The following PBX1 variants were observed in gnomAD, a reference collection of about 807,000 sequenced individuals.
PBX1 encodes the protein pre-B-cell leukemia transcription factor 1.
Under a neutral mutation model 53.4 loss-of-function variants are expected in PBX1, and 6 were observed. The ratio of observed to expected loss-of-function variants is 0.11; its 90% CI spans 0.06 to 0.22. The LOEUF is 0.22. PBX1 is among the 10% of genes least tolerant of loss of function. PBX1 has a pLI of 1.00. For missense variants in PBX1, 251 were observed against 551.4 expected (o/e 0.46, Z 5.46); for synonymous variants, 204 against 212.3 (o/e 0.96, Z 0.34).
chr1:164,663,095 TGTCA>T (rs1338526452), intron 2 of PBX1, among the ~76,000 whole-genome samples: 3 of 152,194 alleles, frequency 2.0e-5, no homozygotes, highest in African/African-American at 4.8e-5. Flanking sequence ...GCCTTAAGCA[TGTCA>T]GTCAAAGGAA....
downstream of PBX1, among the ~76,000 whole-genome samples, chr1:164,852,043 A>G (rs1671864820): frequency 1.3e-5 from 2 of 152,164 alleles, no homozygotes; most frequent in African/African-American, 4.8e-5. Flanking sequence ...GGTAAACAAT[A>G]GCTGTATTAC....
intron 2 of PBX1, among the ~76,000 whole-genome samples, chr1:164,670,998 A>C (rs1030202818): frequency 6.6e-6 from 1 of 152,108 alleles, no homozygotes; most frequent in Non-Finnish European, 1.5e-5. Flanking sequence ...GACATCCCGC[A>C]TTTCTCTTCC....
At chr1:164,720,852 G>A (rs1664365169) in intron 2 of PBX1, among the ~76,000 whole-genome samples, 2 of 152,182 alleles carry the variant, frequency 1.3e-5, no homozygotes, top group Admixed American at 1.3e-4. Flanking sequence ...CTCTGTCCAA[G>A]GGAGGGCTTC....
intron 2 of PBX1, among the ~76,000 whole-genome samples, chr1:164,694,575 A>G (rs977432536): frequency 6.6e-6 from 1 of 152,176 alleles, no homozygotes; most frequent in Non-Finnish European, 1.5e-5. Context: ...CTCTATATCC[A>G]TGTTCAGCAG....
chr1:164,822,211 A>G (rs892640046), intron 8 of PBX1, among the ~76,000 whole-genome samples: 3 of 152,054 alleles, frequency 2.0e-5, no homozygotes, highest in Admixed American at 2.0e-4. Flanking sequence ...GAAATCGATC[A>G]GACAGACACA....
At chr1:164,829,334 C>T (rs563741050) in intron 8 of PBX1, 1 of 152,280 alleles carries the variant, frequency 6.6e-6, no homozygotes, top group East Asian at 1.9e-4. Context: ...ATTTGTTATT[C>T]TTACATAGAT....
chr1:164,567,067 T>G (rs1653484103), intron 2 of PBX1, among the ~76,000 whole-genome samples: 1 of 152,148 alleles, frequency 6.6e-6, no homozygotes, highest in Non-Finnish European at 1.5e-5. Flanking sequence ...TTTGACACCC[T>G]CCCTTATTAT....
In PBX1 at chr1:164,832,981, CAAT is replaced by C. The variant is rs941882338; in HGVS notation, c.1200+11358_1200+11360del. On this transcript the variant is annotated intron_variant, in intron 8 of 8. Transcript: ENST00000420696. ...AGTAAATTAAAGAACAATTAAAAAA[CAAT>C]AAGGAGAGAAAATTAACAGGCCAAA... Among the ~76,000 whole-genome samples, 10 of 151,754 alleles carry C rather than the reference CAAT, an allele frequency of 6.6e-5. No individual in the cohort carries two copies. The East Asian group carries it at 1.2e-3, about 18-fold the overall frequency.
intron 4 of PBX1, among the ~76,000 whole-genome samples, chr1:164,801,773 A>C (rs1669086733): frequency 6.6e-6 from 1 of 152,174 alleles, no homozygotes; most frequent in South Asian, 2.1e-4. Flanking sequence ...AAAACAACTA[A>C]CCTATTGTCA....
chr1:164,850,932 CT>C lies in PBX1; in HGVS notation c.*4260del. The C allele has an allele frequency of 4.7e-6, 1 of 213,168 alleles. No individual in the cohort carries two copies. Among genetic ancestry groups the C allele is most frequent in the Non-Finnish European group, 9.5e-6 (1 of 105,326 alleles). The allele number at this position is 213,168 out of a possible 1,614,324, so 13.2% of individuals were successfully genotyped here. Reference sequence around the variant, plus strand: ...TGAGGCCTCTTCCAACCAAAGAGGCCTTTTCTTCCAGGAGAGTCCCGCAGGA... The same window carrying C: ...TGAGGCCTCTTCCAACCAAAGAGGCCTTTCTTCCAGGAGAGTCCCGCAGGA... On this transcript the variant is annotated 3_prime_UTR_variant, in exon 9 of 9. Coordinates refer to ENST00000420696, the MANE Select transcript of PBX1 (RefSeq NM_002585.4).
chr1:164,751,091 G>A (rs957095621), intron 2 of PBX1, among the ~76,000 whole-genome samples: 3 of 151,938 alleles, frequency 2.0e-5, no homozygotes, highest in East Asian at 1.9e-4. Context: ...TGAGGCGGGC[G>A]GATCACTTGA....
At chr1:164,664,903 C>G (rs549156393) in intron 2 of PBX1, among the ~76,000 whole-genome samples, 1 of 49,088 alleles carries the variant, frequency 2.0e-5, no homozygotes, top group African/African-American at 3.9e-5. Flanking sequence ...CCCACTGAGT[C>G]CCTCCCACAA....
chr1:164,885,550 G>A (rs576987582), intron 2 of PBX1, among the ~76,000 whole-genome samples: 8 of 152,270 alleles, frequency 5.3e-5, no homozygotes, highest in East Asian at 1.9e-4. Flanking sequence ...CTCACACTAC[G>A]TCGCTGGGCA....
chr1:164,740,152 A>G (rs1665527051), intron 2 of PBX1, among the ~76,000 whole-genome samples: 1 of 152,292 alleles, frequency 6.6e-6, no homozygotes, highest in African/African-American at 2.4e-5. Context: ...CAGGGAAGAA[A>G]GAGATGAAGA....
At chr1:164,607,980 T>TA (rs1481006311) in intron 2 of PBX1, among the ~76,000 whole-genome samples, 1 of 152,222 alleles carries the variant, frequency 6.6e-6, no homozygotes, top group Non-Finnish European at 1.5e-5. Flanking sequence ...AAAGCAGGGA[T>TA]AAAAAGTGTT....
intron 2 of PBX1, among the ~76,000 whole-genome samples, chr1:164,736,454 CCTCTCTCATTCCACG>C: frequency 6.6e-6 from 1 of 152,098 alleles, no homozygotes; most frequent in Non-Finnish European, 1.5e-5. Flanking sequence ...TTGACACCTT[CCTCTCTCATTCCACG>C]CTCTCTCGTC....
chr1:164,671,693 G>T (rs1557931604), intron 2 of PBX1, among the ~76,000 whole-genome samples: 1 of 152,052 alleles, frequency 6.6e-6, no homozygotes, highest in African/African-American at 2.4e-5. Flanking sequence ...TTTCTGGGGG[G>T]CAGGGAGTGG....
chr1:164,686,740 C>T (rs550553645), intron 2 of PBX1, among the ~76,000 whole-genome samples: 5 of 152,114 alleles, frequency 3.3e-5, no homozygotes, highest in South Asian at 4.1e-4. Context: ...GGGCGGATCA[C>T]GAGGTCAGGA....
chr1:164,866,059 G>A lies in PBX1; in HGVS notation n.258-33129G>A, dbSNP rs535703581. 3.9e-5 allele frequency among the ~76,000 whole-genome samples: 6 copies of A among 152,170 alleles called. No individual in the cohort carries two copies. In the South Asian group the frequency reaches 1.2e-3, roughly 32 times the overall value. On this transcript the variant is annotated intron_variant and non_coding_transcript_variant, in intron 2 of 2. Transcript: ENST00000558796. ...GCATGCAATCTGGAGATAAATATCAGTACTCTAAGCTTCCAGTTCGTACAC... is the reference window on the plus strand; with the variant it reads ...GCATGCAATCTGGAGATAAATATCAATACTCTAAGCTTCCAGTTCGTACAC...
Sources: allele counts gnomAD v4.1 joint callset (sites outside exome capture counted in the v4.1 genomes callset), GRCh38; gene constraint gnomAD v4.1.1; transcripts MANE v1.5; gene names NCBI Gene and HGNC (gene_info 2026-07-23, HGNC 2026-07-21).